The following REDIC1 variants were observed in gnomAD, a reference collection of about 807,000 sequenced individuals.
REDIC1 encodes the protein HEI10 Interacting Protein 1.
the REDIC1 span, among the ~76,000 whole-genome samples, chr12:39,641,891 T>TC: frequency 1.3e-5 from 2 of 151,776 alleles, no homozygotes; most frequent in Non-Finnish European, 1.5e-5. Context: ...TTCTCAGTCA[T>TC]CTTGCTAAAG....
chr12:39,880,222 T>C, the REDIC1 span, among the ~76,000 whole-genome samples: 29 of 152,328 alleles, frequency 1.9e-4, no homozygotes, highest in African/African-American at 7.0e-4. Context: ...TCTTTGTAAA[T>C]TACTCAGTCT....
chr12:39,824,029 A>G, the REDIC1 span, among the ~76,000 whole-genome samples: 2 of 152,208 alleles, frequency 1.3e-5, no homozygotes, highest in African/African-American at 4.8e-5. Flanking sequence ...TGATAATTTT[A>G]AACCCTTATA....
chr12:39,750,256 G>A, the REDIC1 span, among the ~76,000 whole-genome samples: 4 of 152,114 alleles, frequency 2.6e-5, no homozygotes, highest in African/African-American at 4.8e-5. Flanking sequence ...AAATCACAAG[G>A]ATTCTTATAC....
chr12:39,657,594 A>T, the REDIC1 span, among the ~76,000 whole-genome samples: 1 of 152,168 alleles, frequency 6.6e-6, no homozygotes, highest in Non-Finnish European at 1.5e-5. Context: ...TTTGTTCTTG[A>T]GTGAGCTTTG....
At chr12:39,875,353 C>T in the REDIC1 span, among the ~76,000 whole-genome samples, 1 of 152,212 alleles carries the variant, frequency 6.6e-6, no homozygotes, top group East Asian at 1.9e-4. Flanking sequence ...CATGCTACTT[C>T]ACTATGACCT....
At chr12:39,756,834 A>G in the REDIC1 span, 1 of 151,686 alleles carries the variant, frequency 6.6e-6, no homozygotes, top group Non-Finnish European at 1.5e-5. Flanking sequence ...TTAGACTCTT[A>G]TGTACTAAAA....
the REDIC1 span, among the ~76,000 whole-genome samples, chr12:39,768,371 A>T: frequency 6.6e-6 from 1 of 152,044 alleles, no homozygotes; most frequent in Non-Finnish European, 1.5e-5. Context: ...TGGCACTTTT[A>T]ATATCCTTTA....
At chr12:39,715,623 A>G in the REDIC1 span, among the ~76,000 whole-genome samples, 1 of 152,068 alleles carries the variant, frequency 6.6e-6, no homozygotes, top group Non-Finnish European at 1.5e-5. Flanking sequence ...AGCCAAAGCA[A>G]GACTAAGCAA....
the REDIC1 span, among the ~76,000 whole-genome samples, chr12:39,689,171 C>A: frequency 6.6e-6 from 1 of 152,146 alleles, no homozygotes; most frequent in South Asian, 2.1e-4. Flanking sequence ...TCCATGCTGT[C>A]TTTCTTTGAT....
chr12:39,797,973 G>T, the REDIC1 span, among the ~76,000 whole-genome samples: 7 of 152,082 alleles, frequency 4.6e-5, no homozygotes, highest in Admixed American at 3.9e-4. Flanking sequence ...ACAGAATAGG[G>T]TTGACTTGTG....
At chr12:39,718,014 G>C in the REDIC1 span, among the ~76,000 whole-genome samples, 3 of 150,934 alleles carry the variant, frequency 2.0e-5, no homozygotes, top group Non-Finnish European at 4.4e-5. Flanking sequence ...TGATTTTCTT[G>C]ATTAGCTCTT....
At chr12:39,704,075 G>T in the REDIC1 span, among the ~76,000 whole-genome samples, 9 of 152,120 alleles carry the variant, frequency 5.9e-5, no homozygotes, top group African/African-American at 2.2e-4. Flanking sequence ...TGACAAATGC[G>T]ATCTAATTAA....
the REDIC1 span, chr12:39,643,711 TTTA>T: frequency 8.7e-7 from 1 of 1,146,864 alleles, no homozygotes; most frequent in Non-Finnish European, 1.2e-6. Context: ...TGATTGCTTT[TTTA>T]TTATTTATAA....
At chr12:39,770,217 A>T in the REDIC1 span, among the ~76,000 whole-genome samples, 27 of 151,992 alleles carry the variant, frequency 1.8e-4, no homozygotes, top group Admixed American at 5.9e-4. Flanking sequence ...TTCCATGTGG[A>T]TGCTCCTCAA....
chr12:39,703,932 G>A, the REDIC1 span, among the ~76,000 whole-genome samples: 1 of 152,142 alleles, frequency 6.6e-6, no homozygotes, highest in Non-Finnish European at 1.5e-5. Flanking sequence ...AATTCAAGAT[G>A]GATTAAAGAC....
chr12:39,817,090 G>T, the REDIC1 span, among the ~76,000 whole-genome samples: 1 of 152,046 alleles, frequency 6.6e-6, no homozygotes, highest in Non-Finnish European at 1.5e-5. Context: ...TTTCATAACA[G>T]CAAAAACACA....
At chr12:39,847,309 T>A in the REDIC1 span, among the ~76,000 whole-genome samples, 1 of 152,096 alleles carries the variant, frequency 6.6e-6, no homozygotes, top group Non-Finnish European at 1.5e-5. Context: ...CTCCTCCTTT[T>A]TAAGAGAAAT....
chr12:39,750,750 T>C, the REDIC1 span, among the ~76,000 whole-genome samples: 34 of 152,116 alleles, frequency 2.2e-4, no homozygotes, highest in Middle Eastern at 3.4e-3. Flanking sequence ...CCCTCAGAAA[T>C]AATGCCACAC....
chr12:39,828,926 T>C, the REDIC1 span, among the ~76,000 whole-genome samples: 1 of 152,254 alleles, frequency 6.6e-6, no homozygotes, highest in African/African-American at 2.4e-5. Flanking sequence ...ATATTTAAAA[T>C]GTGGTCTGGA....
Sources: gnomAD v4.1 joint callset for allele counts (sites outside exome capture counted in the v4.1 genomes callset) on GRCh38, gnomAD v4.1.1 for gene constraint, MANE v1.5 for transcripts, NCBI Gene and HGNC (gene_info 2026-07-23, HGNC 2026-07-21) for gene names.